Variants in SLAIN2 observed in about 807,000 individuals in gnomAD.
The protein encoded by SLAIN2 is SLAIN motif-containing protein 2.
SLAIN2 carries 31 observed loss-of-function variants against 56.6 expected under a neutral mutation model. The ratio of observed to expected loss-of-function variants is 0.55; its 90% CI spans 0.41 to 0.74. The LOEUF is 0.74. SLAIN2 is among the 30% of genes least tolerant of loss of function. The pLI is 0.00. For synonymous variants in SLAIN2, 317 were observed against 284.9 expected, an observed-to-expected ratio of 1.11 and a Z score of -1.13; for missense variants, 777 against 754.2, an observed-to-expected ratio of 1.03 and a Z score of -0.35.
At chr4:48,354,300 C>T (rs1162540757) in intron 1 of SLAIN2, among the ~76,000 whole-genome samples, 2 of 152,096 alleles carry the variant, frequency 1.3e-5, no homozygotes, top group Non-Finnish European at 2.9e-5. Flanking sequence ...CTCAAATCAT[C>T]ACTTCTAGCT....
Position 48,425,437 on chromosome 4 carries a change from G to T in SLAIN2, c.*3360G>T, listed in dbSNP as rs891583919. The T allele has an allele frequency of 6.6e-6, 1 of 152,056 alleles. No homozygotes were observed. The allele number at this position is 152,056 out of a possible 1,614,324, so 9.4% of individuals were successfully genotyped here. A position where few individuals can be genotyped will look rare whatever the true frequency, so the allele number is the denominator to read the frequency against. On this transcript the variant is annotated 3_prime_UTR_variant, in exon 8 of 8. Coordinates refer to ENST00000264313, the MANE Select transcript of SLAIN2 (RefSeq NM_020846.2). The stretch of plus-strand genomic sequence containing the variant: ...TCATACCAAATGCGAATATTTAGGT[G>T]ATCACGTGCATCTTTTCTTGTATGG...
intron 2 of SLAIN2, among the ~76,000 whole-genome samples, chr4:48,376,247 A>G (rs980715199): frequency 2.0e-5 from 3 of 152,146 alleles, no homozygotes; most frequent in African/African-American, 2.4e-5. Flanking sequence ...TGAGCTCAGG[A>G]TTTCGAAACC....
chr4:48,356,235 A>G (rs1715150270), intron 1 of SLAIN2, among the ~76,000 whole-genome samples: 1 of 152,218 alleles, frequency 6.6e-6, no homozygotes, highest in Admixed American at 6.5e-5. Context: ...AAAGTACTCT[A>G]AAATAAACTG....
intron 3 of SLAIN2, 86 bp from the exon 4 acceptor site, chr4:48,379,604 G>A (rs1167127197): frequency 1.9e-6 from 2 of 1,053,806 alleles, no homozygotes; most frequent in Admixed American, 8.1e-5. Flanking sequence ...TAAATCAAAG[G>A]GTATAATATC....
At chr4:48,398,925 G>A (rs1716478690) in intron 6 of SLAIN2, among the ~76,000 whole-genome samples, 1 of 152,206 alleles carries the variant, frequency 6.6e-6, no homozygotes, top group Non-Finnish European at 1.5e-5. Context: ...AAGTCAGGTA[G>A]CATGATGCTT....
intron 6 of SLAIN2, among the ~76,000 whole-genome samples, chr4:48,412,406 AC>A (rs1252862066): frequency 0.01 from 536 of 53,446 alleles, 12 homozygotes; most frequent in African/African-American, 0.03. Context: ...ACACACACAC[AC>A]ACACACACAT....
intron 1 of SLAIN2, among the ~76,000 whole-genome samples, chr4:48,366,472 T>G (rs1460799140): frequency 6.6e-6 from 1 of 152,216 alleles, no homozygotes; most frequent in Non-Finnish European, 1.5e-5. Flanking sequence ...TTGTTAGGTA[T>G]GTTTAAATTT....
chr4:48,412,729 A>G (rs1171383247), intron 6 of SLAIN2, among the ~76,000 whole-genome samples: 1 of 152,160 alleles, frequency 6.6e-6, no homozygotes, highest in Non-Finnish European at 1.5e-5. Flanking sequence ...TTTTCTAATA[A>G]CTAACAATTT....
intron 6 of SLAIN2, among the ~76,000 whole-genome samples, chr4:48,408,387 G>A (rs1716756596): frequency 2.0e-5 from 3 of 151,590 alleles, no homozygotes; most frequent in South Asian, 4.2e-4. Flanking sequence ...AGTGGATTGC[G>A]TGTACGATGG....
intron 1 of SLAIN2, among the ~76,000 whole-genome samples, chr4:48,343,574 A>G (rs1714783727): frequency 6.6e-6 from 1 of 152,242 alleles, no homozygotes; most frequent in South Asian, 2.1e-4. Flanking sequence ...TGATAGAACA[A>G]AGAGTACTGA....
chr4:48,381,045 A>G (rs1715957363), intron 4 of SLAIN2, among the ~76,000 whole-genome samples: 1 of 152,100 alleles, frequency 6.6e-6, no homozygotes, highest in African/African-American at 2.4e-5. Flanking sequence ...CCTCAGTGAG[A>G]CTGTGGTATT....
intron 4 of SLAIN2, 130 bp from the exon 5 acceptor site, chr4:48,382,438 C>A: frequency 2.3e-6 from 2 of 875,100 alleles, no homozygotes; most frequent in Non-Finnish European, 3.2e-6. Flanking sequence ...AGTCTAAAAG[C>A]AGAAAGGGAG....
chr4:48,382,110 A>G (rs986235113), intron 4 of SLAIN2, among the ~76,000 whole-genome samples: 2 of 152,294 alleles, frequency 1.3e-5, no homozygotes. Flanking sequence ...TTTCTTTGGT[A>G]CTTTATCATC....
At chr4:48,398,534 A>T (rs754413285) in intron 6 of SLAIN2, among the ~76,000 whole-genome samples, 16 of 152,242 alleles carry the variant, frequency 1.1e-4, no homozygotes, top group African/African-American at 3.9e-4. Flanking sequence ...CGTTTGTTGC[A>T]ATTGCTTTTG....
chr4:48,382,631 CA>C lies in SLAIN2; in HGVS notation c.928del (p.Arg310AspfsTer15), dbSNP rs777909985. The stretch of plus-strand genomic sequence containing the variant: ...AGTTCTGGTTCATCTTGCAATTCTA[CA>C]AGACGGGGTACTTTTAGTGATCAGG... ...RRSSGSSCNSTRRGTFSDQEL... is the reference protein window; with the variant it reads ...RRSSGSSCNSXRRGTFSDQEL... On this transcript the variant is annotated frameshift_variant, in exon 5 of 8. Coordinates refer to ENST00000264313, the MANE Select transcript of SLAIN2 (RefSeq NM_020846.2). LOFTEE classifies it high-confidence loss of function. 1 of 1,613,140 alleles carries C rather than the reference CA, an allele frequency of 6.2e-7. No individual in the cohort carries two copies.
Position 48,379,750 on chromosome 4 carries a change from A to T in SLAIN2, c.764A>T (p.Glu255Val). ...AGTCCTCAGTCCTCTATAGATAGTG[A>T]GTTAAGTGCTTCAGAATTAGATGAA... Reference protein sequence around the residue: ...PLSPQSSIDSELSASELDEDS... With the variant: ...PLSPQSSIDSVLSASELDEDS... Residue 255 changes from glutamate (E) to valine (V), a missense_variant, in exon 4 of 8, where the codon GAG becomes GTG. By Grantham distance (121) the Glu-to-Val change is moderately radical. Coordinates refer to ENST00000264313, the MANE Select transcript of SLAIN2 (RefSeq NM_020846.2). 6.3e-7 allele frequency: 1 copy of T among 1,594,400 alleles called. No individual in the cohort carries two copies.
intron 6 of SLAIN2, among the ~76,000 whole-genome samples, chr4:48,406,525 CTTTTTTT>C (rs34797619): frequency 2.2e-5 from 3 of 135,102 alleles, no homozygotes; most frequent in Non-Finnish European, 3.1e-5. Context: ...CTCTCTCTCT[CTTTTTTT>C]TTTTTTTTTT....
intron 6 of SLAIN2, among the ~76,000 whole-genome samples, chr4:48,394,121 C>T (rs1716314536): frequency 6.6e-6 from 1 of 152,118 alleles, no homozygotes; most frequent in Non-Finnish European, 1.5e-5. Context: ...GTTTTCTTCT[C>T]CTTTTTGAGT....
chr4:48,343,773 G>A (rs543028259), intron 1 of SLAIN2, among the ~76,000 whole-genome samples: 1 of 152,196 alleles, frequency 6.6e-6, no homozygotes, highest in East Asian at 1.9e-4. Context: ...TTACTCTTGA[G>A]TATATGATGA....
Sources: allele counts gnomAD v4.1 joint callset (sites outside exome capture counted in the v4.1 genomes callset), GRCh38; gene constraint gnomAD v4.1.1; transcripts MANE v1.5; gene names NCBI Gene and HGNC (gene_info 2026-07-23, HGNC 2026-07-21).